CSMD1: variants seen among roughly 807,000 people sequenced by gnomAD.
The protein encoded by CSMD1 is CUB and sushi domain-containing protein 1.
In CSMD1, 213 loss-of-function variants were observed where a neutral mutation model predicts 417.5. That is an observed-to-expected ratio of 0.51 (90% CI 0.46 to 0.57). CSMD1 has a LOEUF of 0.57. CSMD1 is among the 20% of genes least tolerant of loss of function. The pLI is 0.00. For synonymous variants in CSMD1, 2,862 were observed against 1,736.8 expected (o/e 1.65, Z -16.11); for missense variants, 6,923 against 4,529.7 (o/e 1.53, Z -15.17).
At chr8:3,121,897 C>G (rs1464594873) in intron 41 of CSMD1, among the ~76,000 whole-genome samples, 1 of 152,024 alleles carries the variant, frequency 6.6e-6, no homozygotes, top group Non-Finnish European at 1.5e-5. Context: ...TATGATAAAA[C>G]TTAATAAACT....
At chr8:4,793,835 GAA>G (rs35760193) in intron 1 of CSMD1, among the ~76,000 whole-genome samples, 41,086 of 132,238 alleles carry the variant, frequency 0.31, 6,291 homozygotes, top group Admixed American at 0.42. Context: ...CCCAGAATAG[GAA>G]AAAAAAAAAA....
intron 3 of CSMD1, among the ~76,000 whole-genome samples, chr8:4,387,570 C>CAAAAAAAA (rs540419006): frequency 0.041 from 1,511 of 37,118 alleles, 327 homozygotes; most frequent in Non-Finnish European, 0.063. Context: ...TCCAAACTGG[C>CAAAAAAAA]AAAAAAAAAA....
chr8:3,013,748 GAAA>G (rs753380315), intron 52 of CSMD1, among the ~76,000 whole-genome samples: 2 of 119,780 alleles, frequency 1.7e-5, no homozygotes, highest in East Asian at 2.4e-4. Flanking sequence ...CTCCATCTCA[GAAA>G]AAAAAAAAAA....
At chr8:3,900,610 G>A (rs939417309) in intron 5 of CSMD1, among the ~76,000 whole-genome samples, 2 of 152,048 alleles carry the variant, frequency 1.3e-5, no homozygotes, top group African/African-American at 4.8e-5. Flanking sequence ...AGTGTAGCTG[G>A]GTGACACTAA....
chr8:4,800,798 A>G (rs1436623451), intron 1 of CSMD1, among the ~76,000 whole-genome samples: 1 of 152,196 alleles, frequency 6.6e-6, no homozygotes. Flanking sequence ...GGGTTTCGGG[A>G]CCTGGGGAGG....
intron 8 of CSMD1, among the ~76,000 whole-genome samples, chr8:3,605,739 T>C (rs1285720344): frequency 1.3e-5 from 2 of 152,220 alleles, no homozygotes; most frequent in African/African-American, 4.8e-5. Context: ...AACATGCACA[T>C]ACCAAGGACA....
chr8:3,768,139 G>C (rs987033649), intron 5 of CSMD1, among the ~76,000 whole-genome samples: 2 of 150,720 alleles, frequency 1.3e-5, no homozygotes, highest in African/African-American at 4.9e-5. Context: ...TAGCAGAGAG[G>C]GGGTGGACAG....
chr8:4,159,158 C>T (rs1797002487), intron 3 of CSMD1, among the ~76,000 whole-genome samples: 1 of 152,078 alleles, frequency 6.6e-6, no homozygotes, highest in South Asian at 2.1e-4. Flanking sequence ...TCAGGTAATC[C>T]ACCTGTCTCG....
intron 1 of CSMD1, among the ~76,000 whole-genome samples, chr8:4,654,019 G>C (rs76580586): frequency 6.6e-6 from 1 of 152,118 alleles, no homozygotes; most frequent in African/African-American, 2.4e-5. Context: ...TTGTAAACCT[G>C]AATTGACTTC....
chr8:4,892,226 A>T (rs1438321131), intron 1 of CSMD1, among the ~76,000 whole-genome samples: 1 of 152,148 alleles, frequency 6.6e-6, no homozygotes, highest in Non-Finnish European at 1.5e-5. Context: ...ATACATTGCC[A>T]ATAAAATAGT....
chr8:3,953,595 A>G (rs1352252470), intron 5 of CSMD1, among the ~76,000 whole-genome samples: 1 of 152,104 alleles, frequency 6.6e-6, no homozygotes, highest in East Asian at 1.9e-4. Context: ...AAAGTGGGTC[A>G]CTGCGCCCAA....
At chr8:4,693,005 G>A (rs1806874059) in intron 1 of CSMD1, among the ~76,000 whole-genome samples, 1 of 152,106 alleles carries the variant, frequency 6.6e-6, no homozygotes, top group Admixed American at 6.5e-5. Flanking sequence ...AGCTCATCAT[G>A]GGAAAACGTC....
At chr8:4,890,053 T>G (rs1804004679) in intron 1 of CSMD1, among the ~76,000 whole-genome samples, 1 of 152,104 alleles carries the variant, frequency 6.6e-6, no homozygotes, top group Admixed American at 6.5e-5. Context: ...AAGGTAAAGG[T>G]GCTAAAACTA....
rs780814163 is a variant in CSMD1, at chr8:2,966,544, G to T, written c.9100+26C>A. The T allele has an allele frequency of 3.1e-6, 5 of 1,597,594 alleles. No homozygotes were observed. In the East Asian group the frequency reaches 1.1e-4, roughly 36 times the overall value. ...GAGTGAATTTCATAGTAACGTCTGA[G>T]TCTACCATGATGTCTGCTTACTAAC... On this transcript the variant is annotated intron_variant, in intron 58 of 69. Coordinates refer to ENST00000635120, the MANE Select transcript of CSMD1 (RefSeq NM_033225.6).
At position 4,774,100 on chromosome 8, in the gene CSMD1, G is replaced by C. The variant is rs768839851; in HGVS notation, c.86-136542C>G. ...TAATCCCAGCTACTCAGGAGGCTGA[G>C]GCAGGAGAGGGTTCACTTGAACCCA... On this transcript the variant is annotated intron_variant, in intron 1 of 69. Coordinates refer to ENST00000635120, the MANE Select transcript of CSMD1 (RefSeq NM_033225.6). 5.4e-4 allele frequency among the ~76,000 whole-genome samples: 82 copies of C among 152,200 alleles called. 1 individual carries two copies. The highest frequency in any genetic ancestry group is 2.6e-4 in the Admixed American group (4 of 15,280).
At chr8:3,903,580 C>G (rs1486869888) in intron 5 of CSMD1, among the ~76,000 whole-genome samples, 1 of 152,138 alleles carries the variant, frequency 6.6e-6, no homozygotes, top group Non-Finnish European at 1.5e-5. Context: ...ATTACGGTGC[C>G]TTTTTCTTCA....
chr8:3,939,091 G>T (rs1315877942), intron 5 of CSMD1, among the ~76,000 whole-genome samples: 3 of 152,104 alleles, frequency 2.0e-5, no homozygotes, highest in Non-Finnish European at 4.4e-5. Context: ...CTCCTAAGAT[G>T]CATAAATTGT....
At chr8:3,805,329 G>C (rs1486097652) in intron 5 of CSMD1, among the ~76,000 whole-genome samples, 2 of 152,156 alleles carry the variant, frequency 1.3e-5, no homozygotes, top group African/African-American at 4.8e-5. Flanking sequence ...AAGGCAAGAA[G>C]CTACAACTTT....
chr8:4,384,565 T>G (rs1363128114), intron 3 of CSMD1, among the ~76,000 whole-genome samples: 2 of 152,218 alleles, frequency 1.3e-5, no homozygotes, highest in African/African-American at 4.8e-5. Context: ...ATCAGTGCTG[T>G]AAGCAATGCT....
Sources: gnomAD v4.1 joint callset for allele counts (sites outside exome capture counted in the v4.1 genomes callset) on GRCh38, gnomAD v4.1.1 for gene constraint, MANE v1.5 for transcripts, NCBI Gene and HGNC (gene_info 2026-07-23, HGNC 2026-07-21) for gene names.